Variants in DZIP3 observed in about 807,000 individuals in gnomAD.
The protein encoded by DZIP3 is DAZ interacting zinc finger protein 3, also known as E3 ubiquitin-protein ligase DZIP3.
In DZIP3, 118 loss-of-function variants were observed where a neutral mutation model predicts 162.0. The ratio of observed to expected loss-of-function variants is 0.73; its 90% confidence interval spans 0.63 to 0.85. The LOEUF is 0.85. DZIP3 is among the 40% of genes least tolerant of loss of function. The pLI, the probability that DZIP3 is intolerant of heterozygous loss-of-function variation, is 0.00. For missense variants in DZIP3, 1,331 were observed against 1,407.0 expected, an observed-to-expected ratio of 0.95 and a Z score of 0.86; for synonymous variants, 438 against 458.6, an observed-to-expected ratio of 0.96 and a Z score of 0.57.
At chr3:108,682,415 C>A (rs2107404290) in intron 26 of DZIP3, among the ~76,000 whole-genome samples, 1 of 150,884 alleles carries the variant, frequency 6.6e-6, no homozygotes, top group East Asian at 1.9e-4. Context: ...TATATATACA[C>A]AATGAAATAC....
chr3:108,659,637 G>C (rs1266010331), intron 19 of DZIP3, among the ~76,000 whole-genome samples: 1 of 151,938 alleles, frequency 6.6e-6, no homozygotes, highest in Non-Finnish European at 1.5e-5. Context: ...GTTCTGGCCA[G>C]GGCAATCAGG....
At chr3:108,646,870 G>A (rs753862271) in intron 15 of DZIP3, among the ~76,000 whole-genome samples, 5 of 151,980 alleles carry the variant, frequency 3.3e-5, no homozygotes, top group African/African-American at 4.8e-5. Flanking sequence ...GTGAAACCCC[G>A]TCTCTACTAA....
At chr3:108,691,011 A>AT in intron 32 of DZIP3, 108 bp downstream of exon 32, 1 of 849,250 alleles carries the variant, frequency 1.2e-6, no homozygotes, top group Admixed American at 2.9e-5. Context: ...AAGCCAGCTA[A>AT]TTTTATCAAA....
At chr3:108,653,777 G>C (rs900759343) in intron 18 of DZIP3, among the ~76,000 whole-genome samples, 2 of 151,760 alleles carry the variant, frequency 1.3e-5, no homozygotes, top group African/African-American at 4.8e-5. Context: ...ATGTTATGAT[G>C]GTAAAATAAT....
At chr3:108,662,039 T>C in intron 20 of DZIP3, 67 bp downstream of exon 20, 1 of 1,579,948 alleles carries the variant, frequency 6.3e-7, no homozygotes, top group South Asian at 1.2e-5. Context: ...TTACTGGTGC[T>C]TTCTGTTTGA....
At chr3:108,609,033 G>A (rs781325316) in intron 3 of DZIP3, among the ~76,000 whole-genome samples, 3 of 152,070 alleles carry the variant, frequency 2.0e-5, no homozygotes, top group Admixed American at 6.6e-5. Flanking sequence ...CAAAGGGGAA[G>A]GTGCCACACA....
chr3:108,663,598 T>G (rs1943542963), intron 21 of DZIP3, among the ~76,000 whole-genome samples: 1 of 150,892 alleles, frequency 6.6e-6, no homozygotes, highest in Non-Finnish European at 1.5e-5. Flanking sequence ...CATTCAAAAC[T>G]TCATCTTTTA....
chr3:108,659,684 G>C (rs577404648), intron 19 of DZIP3, among the ~76,000 whole-genome samples: 13 of 152,274 alleles, frequency 8.5e-5, no homozygotes, highest in South Asian at 6.2e-4. Flanking sequence ...ATTAGGAAAA[G>C]AGGAAGTCAA....
intron 1 of DZIP3, among the ~76,000 whole-genome samples, chr3:108,600,654 C>T (rs1430763677): frequency 6.6e-6 from 1 of 152,096 alleles, no homozygotes; most frequent in East Asian, 1.9e-4. Context: ...TTGCTGCAAA[C>T]CTAAACAGTT....
chr3:108,653,572 CTG>C (rs1942973236), intron 18 of DZIP3, among the ~76,000 whole-genome samples: 1 of 143,758 alleles, frequency 7.0e-6, no homozygotes, highest in Non-Finnish European at 1.5e-5. Context: ...AAAGTGGTCT[CTG>C]TTAGTAGTGT....
chr3:108,598,724 A>C (rs974984276), intron 1 of DZIP3, among the ~76,000 whole-genome samples: 1 of 152,132 alleles, frequency 6.6e-6, no homozygotes, highest in Non-Finnish European at 1.5e-5. Flanking sequence ...TTCTTTTCTC[A>C]TTATCTAACA....
chr3:108,666,503 G>T (rs1331169111), intron 21 of DZIP3, among the ~76,000 whole-genome samples: 1 of 151,982 alleles, frequency 6.6e-6, no homozygotes, highest in East Asian at 1.9e-4. Flanking sequence ...AATCAGCAAG[G>T]ATATAGAAGA....
chr3:108,631,093 T>TCTCTCC (rs1235604547), intron 8 of DZIP3, among the ~76,000 whole-genome samples: 9 of 144,822 alleles, frequency 6.2e-5, no homozygotes, highest in South Asian at 4.5e-4. Flanking sequence ...TCTCTCTCTC[T>TCTCTCC]CCTATCCTAC....
chr3:108,631,055 A>ACACACACACACACAGACACT, intron 8 of DZIP3, among the ~76,000 whole-genome samples: 1 of 18,014 alleles, frequency 5.6e-5, no homozygotes, highest in Non-Finnish European at 9.0e-5. Flanking sequence ...ACACACACAC[A>ACACACACACACACAGACACT]CTCTCTCTCT....
intron 4 of DZIP3, among the ~76,000 whole-genome samples, chr3:108,612,617 T>C (rs1224350861): frequency 1.3e-5 from 2 of 152,152 alleles, no homozygotes; most frequent in African/African-American, 4.8e-5. Context: ...TTATGTAAAA[T>C]GACATAGTAT....
At chr3:108,681,691 C>T (rs1166963770) in intron 26 of DZIP3, among the ~76,000 whole-genome samples, 1 of 152,020 alleles carries the variant, frequency 6.6e-6, no homozygotes, top group African/African-American at 2.4e-5. Context: ...AAATGCCCAT[C>T]AGTGATAAAC....
chr3:108,619,329 G>GTGTGTGTGTT (rs1559731608), intron 5 of DZIP3, among the ~76,000 whole-genome samples: 10 of 148,622 alleles, frequency 6.7e-5, no homozygotes, highest in African/African-American at 2.5e-4. Context: ...TGTGTGTTTT[G>GTGTGTGTGTT]TTTTATATAC....
chr3:108,616,116 TAGCC>T (rs1940990425), intron 4 of DZIP3, among the ~76,000 whole-genome samples: 1 of 151,956 alleles, frequency 6.6e-6, no homozygotes, highest in Non-Finnish European at 1.5e-5. Flanking sequence ...TACAAAAAAT[TAGCC>T]AGGTGTGGTG....
At chr3:108,606,108 T>G (rs954802318) in intron 2 of DZIP3, among the ~76,000 whole-genome samples, 5 of 152,236 alleles carry the variant, frequency 3.3e-5, no homozygotes, top group African/African-American at 1.2e-4. Context: ...TTTTAGTGTT[T>G]TTACATTATG....
Sources: allele counts gnomAD v4.1 joint callset (sites outside exome capture counted in the v4.1 genomes callset), GRCh38; gene constraint gnomAD v4.1.1; transcripts MANE v1.5; gene names NCBI Gene and HGNC (gene_info 2026-07-23, HGNC 2026-07-21).